The following HAUS8 variants were observed in gnomAD, a reference collection of about 807,000 sequenced individuals.
HAUS8 encodes HAUS augmin like complex subunit 8, also known as HAUS augmin-like complex subunit 8.
Under a neutral mutation model 42.9 loss-of-function variants are expected in HAUS8, and 38 were observed. That is an observed-to-expected ratio of 0.89 (90% CI 0.68 to 1.16). The LOEUF is 1.16. Ranked by LOEUF, HAUS8 falls within the 50% of genes most tolerant of loss-of-function variation. HAUS8 has a pLI of 0.00. For synonymous variants in HAUS8, 199 were observed against 205.8 expected (o/e 0.97, Z 0.28); for missense variants, 494 against 511.6 (o/e 0.97, Z 0.33).
At chr19:17,057,018 T>A (rs1176357989) in intron 8 of HAUS8, among the ~76,000 whole-genome samples, 1 of 152,208 alleles carries the variant, frequency 6.6e-6, no homozygotes, top group African/African-American at 2.4e-5. Context: ...TAGCTGGGAC[T>A]ATAGGCATAT....
At position 17,052,634 on chromosome 19, in the gene HAUS8, AC is replaced by A. The variant is rs1393942618; in HGVS notation, c.929+190del. The A allele has an allele frequency of 5.0e-6, 3 of 596,666 alleles. No homozygotes were observed. The African/African-American group carries it at 5.6e-5, about 11-fold the overall frequency. 37.0% of individuals were successfully genotyped at this position (596,666 alleles called of 1,614,324 possible). ...CTTTTGGATGGAGATTTTGTTATCCACAATACAGATGACAATGACACCTGCT... is the reference window on the plus strand; with the variant it reads ...CTTTTGGATGGAGATTTTGTTATCCAAATACAGATGACAATGACACCTGCT... On this transcript the variant is annotated intron_variant, in intron 10 of 10. Coordinates refer to ENST00000253669, the MANE Select transcript of HAUS8 (RefSeq NM_033417.2).
intron 7 of HAUS8, 40 bp downstream of exon 7, chr19:17,058,771 C>A (rs2057341660): frequency 6.2e-7 from 1 of 1,608,040 alleles, no homozygotes; most frequent in African/African-American, 1.3e-5. Flanking sequence ...GGAGGCCACC[C>A]TTCCATCCAT....
intron 3 of HAUS8, among the ~76,000 whole-genome samples, chr19:17,068,099 C>CTTTTTTTTTTTTTTTTTTTTTTTTT (rs889723027): frequency 1.1e-5 from 1 of 93,506 alleles, no homozygotes; most frequent in Non-Finnish European, 2.1e-5. Context: ...TTATTTTATT[C>CTTTTTTTTTTTTTTTTTTTTTTTTT]TTTTTTTTTT....
At chr19:17,055,564 C>A (rs531157007) in intron 9 of HAUS8, among the ~76,000 whole-genome samples, 4 of 152,150 alleles carry the variant, frequency 2.6e-5, no homozygotes, top group African/African-American at 4.8e-5. Flanking sequence ...TGTCACCCCC[C>A]AACCACTACG....
In HAUS8 at chr19:17,049,927, G is replaced by GC; in HGVS notation, c.1178dup (p.Ser393ArgfsTer28). The GC allele has an allele frequency of 6.5e-7, 1 of 1,540,546 alleles. No individual in the cohort carries two copies. The highest frequency in any genetic ancestry group is 8.8e-7 in the Non-Finnish European group (1 of 1,141,496). On this transcript the variant is annotated frameshift_variant, in exon 11 of 11. Transcript: ENST00000253669. LOFTEE classifies it low-confidence loss of function (END_TRUNC). ...GAGAGGGCGGGACTTCTGCCTGGCT[G>GC]CTTGAAGAAAAATCTTCGCTTGGGC...
chr19:17,051,442 A>T (rs1354414819), intron 10 of HAUS8, among the ~76,000 whole-genome samples: 2 of 151,970 alleles, frequency 1.3e-5, no homozygotes, highest in African/African-American at 2.4e-5. Context: ...TGGACGCACA[A>T]GGATATGTGC....
At chr19:17,067,539 G>A (rs1304078961) in intron 3 of HAUS8, among the ~76,000 whole-genome samples, 1 of 152,048 alleles carries the variant, frequency 6.6e-6, no homozygotes, top group Non-Finnish European at 1.5e-5. Context: ...CCATGTAAAT[G>A]ACACCCTGAT....
rs1156241147 is a variant in HAUS8 at position 17,073,280 on chromosome 19, C to T, written c.85G>A (p.Val29Ile). 4.3e-6 allele frequency: 7 copies of T among 1,613,536 alleles called. No individual in the cohort carries two copies. The highest frequency in any genetic ancestry group is 5.9e-6 in the Non-Finnish European group (7 of 1,179,568). Reference protein sequence around the residue: ...SSSAKKKDKRVQGGRVIESRY... With the variant: ...SSSAKKKDKRIQGGRVIESRY... ...AGATCCTGACACTGCTTACCTTGAA[C>T]TCTTTTATCCTTCTTCTTGGCACTG... The change falls in exon 2 of 11, where the codon GTT (valine) becomes ATT (isoleucine). Residue 29 changes from valine (V) to isoleucine (I), a missense_variant. By Grantham distance (29) the Val-to-Ile change is conservative. Coordinates refer to ENST00000253669, the MANE Select transcript of HAUS8 (RefSeq NM_033417.2).
At chr19:17,071,950 C>G (rs2057427457) in intron 2 of HAUS8, among the ~76,000 whole-genome samples, 1 of 152,136 alleles carries the variant, frequency 6.6e-6, no homozygotes, top group South Asian at 2.1e-4. Context: ...CACGCCACTG[C>G]ATTCCAGCCT....
At chr19:17,054,907 G>C (rs1283817852) in intron 9 of HAUS8, 2 of 150,980 alleles carry the variant, frequency 1.3e-5, no homozygotes, top group African/African-American at 4.9e-5. Context: ...GAAGTTGAAG[G>C]CTGCAGTGAG....
At chr19:17,060,193 T>C in intron 4 of HAUS8, 101 bp from the exon 5 acceptor site, 1 of 518,234 alleles carries the variant, frequency 1.9e-6, no homozygotes, top group South Asian at 3.6e-5. Context: ...CACTTGCTTC[T>C]AAAAGCCCAA....
At chr19:17,052,597 G>C in intron 10 of HAUS8, 1 of 442,788 alleles carries the variant, frequency 2.3e-6, no homozygotes, top group Non-Finnish European at 4.0e-6. Context: ...GAAAGGGAAG[G>C]CAAGGCGGGT....
At chr19:17,068,298 G>A (rs1310535298) in intron 3 of HAUS8, among the ~76,000 whole-genome samples, 3 of 151,840 alleles carry the variant, frequency 2.0e-5, no homozygotes, top group African/African-American at 7.3e-5. Context: ...ATTTTTAGTT[G>A]AGACGGGGTT....
At chr19:17,074,759 T>G (rs2057455892) in intron 1 of HAUS8, 1 of 152,074 alleles carries the variant, frequency 6.6e-6, no homozygotes, top group Admixed American at 6.5e-5. Flanking sequence ...CTGGCCAATT[T>G]CACTTCAGTT....
At chr19:17,063,999 C>T (rs765671987) in intron 3 of HAUS8, among the ~76,000 whole-genome samples, 1 of 152,156 alleles carries the variant, frequency 6.6e-6, no homozygotes, top group African/African-American at 2.4e-5. Flanking sequence ...CTTTTATAAG[C>T]CTCTCTTATT....
intron 8 of HAUS8, among the ~76,000 whole-genome samples, chr19:17,058,316 T>C (rs770439145): frequency 2.0e-5 from 3 of 152,252 alleles, no homozygotes; most frequent in Non-Finnish European, 4.4e-5. Flanking sequence ...TCTGCACAAG[T>C]GCATAGAAGG....
chr19:17,059,113 G>A (rs1446962829), intron 6 of HAUS8, among the ~76,000 whole-genome samples: 2 of 152,212 alleles, frequency 1.3e-5, no homozygotes, highest in African/African-American at 2.4e-5. Flanking sequence ...CAGGTGGAGA[G>A]ACAGCAGCAG....
intron 2 of HAUS8, among the ~76,000 whole-genome samples, chr19:17,070,536 T>C (rs1248715955): frequency 1.3e-5 from 2 of 152,046 alleles, no homozygotes; most frequent in Admixed American, 6.6e-5. Flanking sequence ...TTGCTGTGCA[T>C]CCCCCTGCAG....
At chr19:17,062,828 C>G (rs1307005918) in intron 3 of HAUS8, 49 bp from the exon 4 acceptor site, 2 of 1,394,234 alleles carry the variant, frequency 1.4e-6, no homozygotes, top group South Asian at 2.3e-5. Context: ...CCTCCCTTCA[C>G]AACAACGGGC....
Sources: allele counts gnomAD v4.1 joint callset (sites outside exome capture counted in the v4.1 genomes callset), GRCh38; gene constraint gnomAD v4.1.1; transcripts MANE v1.5; gene names NCBI Gene and HGNC (gene_info 2026-07-23, HGNC 2026-07-21).